GRXCR2: variants seen among roughly 807,000 people sequenced by gnomAD.
The protein encoded by GRXCR2 is glutaredoxin domain-containing cysteine-rich protein 2.
A neutral mutation model predicts 24.8 loss-of-function variants in GRXCR2; 23 were observed. That is an observed-to-expected ratio of 0.93 (90% CI 0.67 to 1.32). The LOEUF is 1.32. Ranked by LOEUF, GRXCR2 falls within the 40% of genes most tolerant of loss-of-function variation. The pLI is 0.00. For missense variants in GRXCR2, 315 were observed against 303.4 expected (o/e 1.04, Z -0.28); for synonymous variants, 130 against 116.1 (o/e 1.12, Z -0.77).
chr5:145,885,011 C>T (rs1030562201), intron 2 of GRXCR2, among the ~76,000 whole-genome samples: 9 of 152,126 alleles, frequency 5.9e-5, no homozygotes, highest in Admixed American at 5.2e-4. Context: ...CTTTCCACAT[C>T]TAACATTTCT....
intron 2 of GRXCR2, among the ~76,000 whole-genome samples, chr5:145,920,101 A>T (rs1757302794): frequency 6.6e-6 from 1 of 152,180 alleles, no homozygotes. Context: ...CAAAAATTGA[A>T]AATCAAGCAA....
Position 145,872,820 on chromosome 5 carries a change from G to C in GRXCR2, c.149C>G (p.Pro50Arg), listed in dbSNP as rs1223380981. The C allele has an allele frequency of 4.3e-6, 7 of 1,614,008 alleles. No homozygotes were observed. Among genetic ancestry groups the C allele is most frequent in the Non-Finnish European group, 5.9e-6 (7 of 1,180,016 alleles). Reference sequence around the variant, plus strand: ...AAGAGACTCTTGCAGAAAACTGTGAGGGTATTCCTCCTTTGGTGACTCTAA... The same window carrying C: ...AAGAGACTCTTGCAGAAAACTGTGACGGTATTCCTCCTTTGGTGACTCTAA... Reference protein sequence around the residue: ...QELESPKEEYPHSFLQESLET... With the variant: ...QELESPKEEYRHSFLQESLET... The change falls in exon 1 of 3, where the codon CCT becomes CGT. Residue 50 changes from proline (P) to arginine (R), a missense_variant. Pro to Arg is a moderately radical substitution (Grantham distance 103, BLOSUM62 -2). Transcript: ENST00000377976.
intron 2 of GRXCR2, among the ~76,000 whole-genome samples, chr5:145,895,481 T>A (rs1039298989): frequency 9.9e-5 from 15 of 152,120 alleles, no homozygotes; most frequent in African/African-American, 3.1e-4. Flanking sequence ...AGCATTCTTA[T>A]ACACCAATAA....
At chr5:145,905,949 G>A (rs1220078101) in intron 2 of GRXCR2, among the ~76,000 whole-genome samples, 7 of 152,134 alleles carry the variant, frequency 4.6e-5, no homozygotes, top group Non-Finnish European at 1.0e-4. Flanking sequence ...GAAAACCAGA[G>A]GAATAGATTG....
At chr5:145,874,209 A>G (rs58864459), upstream of GRXCR2, among the ~76,000 whole-genome samples, 2 of 141,546 alleles carry the variant, frequency 1.4e-5, no homozygotes, top group Admixed American at 1.4e-4. Flanking sequence ...ATTTTATTTT[A>G]TTTTTTTTTT....
At chr5:145,875,345 T>A (rs1756597123), upstream of GRXCR2, among the ~76,000 whole-genome samples, 1 of 152,136 alleles carries the variant, frequency 6.6e-6, no homozygotes, top group African/African-American at 2.4e-5. Context: ...GGTCAAGAGA[T>A]TAAGACCATC....
At chr5:145,908,064 A>G (rs1285616271) in intron 2 of GRXCR2, among the ~76,000 whole-genome samples, 1 of 152,178 alleles carries the variant, frequency 6.6e-6, no homozygotes, top group Non-Finnish European at 1.5e-5. Flanking sequence ...TACCAGTTCT[A>G]TGAGGAAGAT....
At chr5:145,893,638 C>T (rs1305379492) in intron 2 of GRXCR2, among the ~76,000 whole-genome samples, 3 of 152,178 alleles carry the variant, frequency 2.0e-5, no homozygotes, top group African/African-American at 7.2e-5. Context: ...TAAAGCAAGT[C>T]CTGAGTGACC....
At chr5:145,880,928 A>T (rs1756690846) in intron 2 of GRXCR2, among the ~76,000 whole-genome samples, 1 of 152,110 alleles carries the variant, frequency 6.6e-6, no homozygotes, top group South Asian at 2.1e-4. Flanking sequence ...ATGACAAAAG[A>T]TACATGATTA....
intron 2 of GRXCR2, among the ~76,000 whole-genome samples, chr5:145,863,661 C>A (rs1170350964): frequency 1.3e-5 from 2 of 152,044 alleles, no homozygotes; most frequent in African/African-American, 4.8e-5. Context: ...AGGTTAGGTT[C>A]TTTTTTAAAA....
chr5:145,889,276 G>A (rs180389), intron 2 of GRXCR2, among the ~76,000 whole-genome samples: 2 of 151,928 alleles, frequency 1.3e-5, no homozygotes, highest in African/African-American at 2.4e-5. Flanking sequence ...GACTTGGGGG[G>A]AAGTGTTGGG....
chr5:145,904,340 CT>C (rs1757063394), intron 2 of GRXCR2, among the ~76,000 whole-genome samples: 1 of 152,202 alleles, frequency 6.6e-6, no homozygotes, highest in African/African-American at 2.4e-5. Context: ...CGGATCTGGC[CT>C]GATGGTTGAT....
chr5:145,889,172 A>AAAAGAAAGAAAGAAGAAAG (rs1756821340), intron 2 of GRXCR2, among the ~76,000 whole-genome samples: 3 of 83,984 alleles, frequency 3.6e-5, no homozygotes, highest in Non-Finnish European at 7.0e-5. Context: ...CTGTCTCAAA[A>AAAAGAAAGAAAGAAGAAAG]AAAGAAAGAA....
chr5:145,872,022 C>T (rs1418814037), intron 1 of GRXCR2, among the ~76,000 whole-genome samples: 1 of 152,154 alleles, frequency 6.6e-6, no homozygotes, highest in Non-Finnish European at 1.5e-5. Context: ...AGATTAAACA[C>T]ATTCTTCAAT....
At chr5:145,900,999 A>T (rs1757016107) in intron 2 of GRXCR2, among the ~76,000 whole-genome samples, 1 of 152,164 alleles carries the variant, frequency 6.6e-6, no homozygotes, top group South Asian at 2.1e-4. Flanking sequence ...AGCAATATGG[A>T]TGCAGCTGGT....
chr5:145,889,214 A>AAGAAAGAG (rs1756825604), intron 2 of GRXCR2, among the ~76,000 whole-genome samples: 2 of 151,298 alleles, frequency 1.3e-5, no homozygotes, highest in Admixed American at 1.3e-4. Flanking sequence ...GAAAGAAAGA[A>AAGAAAGAG]AGAAAGAAAG....
upstream of GRXCR2, among the ~76,000 whole-genome samples, chr5:145,874,204 A>ATT (rs112500420): frequency 6.5e-5 from 9 of 139,140 alleles, no homozygotes; most frequent in African/African-American, 2.6e-4. Flanking sequence ...TTATTATTTT[A>ATT]TTTTATTTTT....
chr5:145,859,682 GA>G lies in GRXCR2; in HGVS notation c.*50del. ...AGGAGGAGAAGGGGGCGGTTTATTAGAAATAACTTTAGGGAGGGTAAGATAA... is the reference window on the plus strand; with the variant it reads ...AGGAGGAGAAGGGGGCGGTTTATTAGAATAACTTTAGGGAGGGTAAGATAA... On this transcript the variant is annotated 3_prime_UTR_variant, in exon 3 of 3. Coordinates refer to ENST00000377976, the MANE Select transcript of GRXCR2 (RefSeq NM_001080516.2). The G allele has an allele frequency of 1.3e-6, 2 of 1,578,610 alleles. No individual in the cohort carries two copies. The highest frequency in any genetic ancestry group is 1.7e-6 in the Non-Finnish European group (2 of 1,148,530).
intron 2 of GRXCR2, among the ~76,000 whole-genome samples, chr5:145,896,235 G>A (rs1756946558): frequency 1.3e-5 from 2 of 152,158 alleles, no homozygotes; most frequent in African/African-American, 2.4e-5. Flanking sequence ...AGGACTTCAT[G>A]TCTAAAACAC....
Sources: allele counts gnomAD v4.1 joint callset (sites outside exome capture counted in the v4.1 genomes callset), GRCh38; gene constraint gnomAD v4.1.1; transcripts MANE v1.5; gene names NCBI Gene and HGNC (gene_info 2026-07-23, HGNC 2026-07-21).